Variants in SLC16A7 observed in about 807,000 individuals in gnomAD.
SLC16A7 encodes monocarboxylate transporter 2.
A neutral mutation model predicts 34.9 loss-of-function variants in SLC16A7; 33 were observed. The observed-to-expected ratio is 0.94, with a 90% confidence interval of 0.72 to 1.26. The LOEUF is 1.26. SLC16A7 is among the 50% of genes most tolerant of loss of function. The probability of loss-of-function intolerance (pLI) is 0.00; values close to 1 mark genes in which losing one functional copy is unlikely to be tolerated. For missense variants in SLC16A7, 573 were observed against 578.1 expected, an observed-to-expected ratio of 0.99 and a Z score of 0.09; for synonymous variants, 201 against 206.6, an observed-to-expected ratio of 0.97 and a Z score of 0.23.
At position 59,610,062 on chromosome 12, in the gene SLC16A7, T is replaced by C. The variant is rs145036418; in HGVS notation, c.-130+13826T>C. On this transcript the variant is annotated intron_variant, in intron 1 of 5. Coordinates refer to ENST00000547379, the MANE Select transcript of SLC16A7 (RefSeq NM_001270623.2). ...CTCTGGCTGGTTAGGAAACAAAGGT[T>C]TATTTCCAAAATCCATATTTTCCCT... 3.9e-5 allele frequency among the ~76,000 whole-genome samples: 6 copies of C among 152,322 alleles called. No individual in the cohort carries two copies. The East Asian group carries it at 9.6e-4, about 24-fold the overall frequency.
At position 59,780,906 on chromosome 12, in the gene SLC16A7, TG is replaced by T. The variant is rs1406350887; in HGVS notation, c.*1230del. 1 of 152,182 alleles carries T rather than the reference TG, an allele frequency of 6.6e-6. No individual in the cohort carries two copies. The highest frequency in any genetic ancestry group is 2.4e-5 in the African/African-American group (1 of 41,460). The allele number at this position is 152,182 out of a possible 1,614,324, so 9.4% of individuals were successfully genotyped here. A position where few individuals can be genotyped will look rare whatever the true frequency, so the allele number is the denominator to read the frequency against. On this transcript the variant is annotated 3_prime_UTR_variant, in exon 6 of 6. Transcript: ENST00000547379. ...GTGCTCAACCACTGGAAATGCCTCC[TG>T]GGATAAGAATGGCAGCACTTGAAAA...
chr12:59,609,278 T>A (rs1879084676), intron 1 of SLC16A7, among the ~76,000 whole-genome samples: 1 of 152,214 alleles, frequency 6.6e-6, no homozygotes, highest in Non-Finnish European at 1.5e-5. Context: ...TGGGACAAAG[T>A]CCGTTTGTAC....
At chr12:59,753,262 C>T (rs1317080162) in intron 3 of SLC16A7, among the ~76,000 whole-genome samples, 1 of 152,168 alleles carries the variant, frequency 6.6e-6, no homozygotes, top group Non-Finnish European at 1.5e-5. Context: ...ACAGTATTAA[C>T]TTTAAATGTA....
chr12:59,769,153 T>C (rs962027019), intron 3 of SLC16A7: 2 of 152,104 alleles, frequency 1.3e-5, no homozygotes, highest in Non-Finnish European at 2.9e-5. Flanking sequence ...TTTTTAGCAA[T>C]AAAATATTTT....
At chr12:59,733,170 G>C (rs2711676) in intron 3 of SLC16A7, among the ~76,000 whole-genome samples, 18,668 of 152,204 alleles carry the variant, frequency 0.12, 1,497 homozygotes, top group African/African-American at 0.22. Flanking sequence ...CAAAACCTCT[G>C]TGACCAGCGG....
intron 2 of SLC16A7, among the ~76,000 whole-genome samples, chr12:59,687,118 A>G (rs1263655449): frequency 1.3e-5 from 2 of 151,936 alleles, no homozygotes; most frequent in African/African-American, 2.4e-5. Flanking sequence ...TGCTAAAGTC[A>G]TACTCTTGGT....
intron 1 of SLC16A7, among the ~76,000 whole-genome samples, chr12:59,607,406 T>C (rs1163477840): frequency 6.6e-6 from 1 of 152,210 alleles, no homozygotes; most frequent in Admixed American, 6.5e-5. Context: ...TATATAATGC[T>C]ATAACCATTT....
intron 3 of SLC16A7, among the ~76,000 whole-genome samples, chr12:59,709,270 TG>T (rs1407275546): frequency 6.6e-6 from 1 of 151,608 alleles, no homozygotes; most frequent in East Asian, 1.9e-4. Flanking sequence ...GAATTGGCTT[TG>T]TCTCCATGGT....
In SLC16A7 at chr12:59,648,237, A is replaced by G. The variant is rs561429877; in HGVS notation, c.-129-6915A>G. On this transcript the variant is annotated intron_variant, in intron 1 of 5. Transcript: ENST00000547379. ...GTCCTGCTGAAATTGAAACATATAA[A>G]TATGTAGTGGTATCAATCTGTACAA... Among the ~76,000 whole-genome samples, 8 of 152,214 alleles carry G rather than the reference A, an allele frequency of 5.3e-5. No homozygotes were observed. The South Asian group carries it at 1.7e-3, about 32-fold the overall frequency.
intron 1 of SLC16A7, among the ~76,000 whole-genome samples, chr12:59,649,879 G>A (rs920466539): frequency 1.3e-5 from 2 of 152,042 alleles, no homozygotes; most frequent in Admixed American, 6.6e-5. Context: ...AACCTTGGAG[G>A]TGGAGGTTGC....
At chr12:59,753,880 A>G (rs1027201027) in intron 3 of SLC16A7, among the ~76,000 whole-genome samples, 5 of 152,302 alleles carry the variant, frequency 3.3e-5, no homozygotes, top group African/African-American at 1.2e-4. Flanking sequence ...AGCAAATGTA[A>G]AAGATCAGAA....
At chr12:59,680,627 G>GCAATCTATAATTA (rs1417124281) in intron 2 of SLC16A7, among the ~76,000 whole-genome samples, 7 of 151,694 alleles carry the variant, frequency 4.6e-5, no homozygotes, top group African/African-American at 1.7e-4. Flanking sequence ...TATATAGAAT[G>GCAATCTATAATTA]CAATCTATAA....
chr12:59,622,913 T>C (rs1363154682), intron 1 of SLC16A7, among the ~76,000 whole-genome samples: 1 of 151,748 alleles, frequency 6.6e-6, no homozygotes, highest in Non-Finnish European at 1.5e-5. Flanking sequence ...TTTTTTCATC[T>C]ATGGTGATCC....
intron 2 of SLC16A7, chr12:59,664,830 C>G (rs1056071124): frequency 6.6e-6 from 1 of 152,154 alleles, no homozygotes; most frequent in African/African-American, 2.4e-5. Context: ...AAAGCAGAGT[C>G]TCTGGAGATA....
chr12:59,704,230 AAAAAAG>A (rs1186180290), intron 2 of SLC16A7, among the ~76,000 whole-genome samples: 9 of 151,162 alleles, frequency 6.0e-5, no homozygotes, highest in African/African-American at 1.9e-4. Flanking sequence ...AAAAAGAAAA[AAAAAAG>A]AAAAAGAAAA....
intron 1 of SLC16A7, among the ~76,000 whole-genome samples, chr12:59,650,704 G>T (rs1417535552): frequency 6.6e-6 from 1 of 152,096 alleles, no homozygotes; most frequent in Non-Finnish European, 1.5e-5. Flanking sequence ...TGGTATCCCT[G>T]CTGTGCTCAG....
Position 59,756,254 on chromosome 12 carries a change from A to G in SLC16A7, c.218-14965A>G, listed in dbSNP as rs549477620. On this transcript the variant is annotated intron_variant, in intron 3 of 5. Transcript: ENST00000547379. ...TGGCAACAAAAGCCAAAATTGACAA[A>G]TGAGATCTAATTAAACTAAAGAGCT... is the stretch of plus-strand genomic sequence containing the variant. 1.2e-4 allele frequency among the ~76,000 whole-genome samples: 18 copies of G among 152,352 alleles called. 1 individual carries two copies. The South Asian group carries it at 1.9e-3, about 16-fold the overall frequency.
chr12:59,651,861 A>T (rs1049617138), intron 1 of SLC16A7, among the ~76,000 whole-genome samples: 1 of 152,206 alleles, frequency 6.6e-6, no homozygotes, highest in Non-Finnish European at 1.5e-5. Context: ...AAAGCAAAAA[A>T]GATTTAAAAG....
chr12:59,644,730 A>G (rs1013711259), intron 1 of SLC16A7, among the ~76,000 whole-genome samples: 1 of 152,182 alleles, frequency 6.6e-6, no homozygotes, highest in East Asian at 1.9e-4. Flanking sequence ...TTTCTCACCA[A>G]CAAATGTGTG....
Sources: allele counts gnomAD v4.1 joint callset (sites outside exome capture counted in the v4.1 genomes callset), GRCh38; gene constraint gnomAD v4.1.1; transcripts MANE v1.5; gene names NCBI Gene and HGNC (gene_info 2026-07-23, HGNC 2026-07-21).